Variants in MAGI1 observed in about 807,000 individuals in gnomAD.
MAGI1 encodes membrane-associated guanylate kinase, WW and PDZ domain-containing protein 1.
A neutral mutation model predicts 139.9 loss-of-function variants in MAGI1; 58 were observed. The ratio of observed to expected loss-of-function variants is 0.41; its 90% confidence interval spans 0.34 to 0.52. MAGI1 has a LOEUF of 0.52. Among genes scored for constraint, MAGI1 ranks in the 20% least tolerant of loss-of-function variants. MAGI1 has a pLI of 0.12. For missense variants in MAGI1, 1,874 were observed against 1,901.6 expected, an observed-to-expected ratio of 0.99 and a Z score of 0.27; for synonymous variants, 812 against 737.9, an observed-to-expected ratio of 1.10 and a Z score of -1.63.
intron 1 of MAGI1, among the ~76,000 whole-genome samples, chr3:65,639,325 G>A (rs1186852228): frequency 2.0e-5 from 3 of 152,120 alleles, no homozygotes; most frequent in African/African-American, 7.2e-5. Flanking sequence ...TTGAAATGAA[G>A]TCTAATTTAT....
chr3:65,455,796 A>T (rs926369085), intron 5 of MAGI1, among the ~76,000 whole-genome samples: 1 of 152,178 alleles, frequency 6.6e-6, no homozygotes, highest in Admixed American at 6.5e-5. Flanking sequence ...GAATCATTGT[A>T]TGTCTTACTT....
chr3:65,802,863 T>TGTGTGTGC, intron 1 of MAGI1, among the ~76,000 whole-genome samples: 1 of 151,324 alleles, frequency 6.6e-6, no homozygotes, highest in East Asian at 1.9e-4. Flanking sequence ...TGTGTGTGTG[T>TGTGTGTGC]GTGTGTGTGT....
intron 1 of MAGI1, among the ~76,000 whole-genome samples, chr3:65,834,672 G>GT (rs1021097611): frequency 9.2e-5 from 14 of 152,304 alleles, no homozygotes; most frequent in African/African-American, 3.4e-4. Context: ...TGAGAGAGGG[G>GT]TTTTGATGTC....
intron 13 of MAGI1, 67 bp downstream of exon 13, chr3:65,401,372 T>TACCCCCCCCCCCCCCCCC: frequency 1.3e-6 from 1 of 778,312 alleles, no homozygotes; most frequent in East Asian, 3.3e-5. Flanking sequence ...CAGAGTACCC[T>TACCCCCCCCCCCCCCCCC]CCCACCTCCA....
chr3:65,370,290 C>T (rs1043221498), intron 18 of MAGI1, among the ~76,000 whole-genome samples: 1 of 152,110 alleles, frequency 6.6e-6, no homozygotes, highest in Non-Finnish European at 1.5e-5. Context: ...TTGAGCATCA[C>T]ATATTCACCC....
intron 2 of MAGI1, among the ~76,000 whole-genome samples, chr3:65,510,230 T>C (rs1349086123): frequency 6.6e-6 from 1 of 152,160 alleles, no homozygotes; most frequent in Non-Finnish European, 1.5e-5. Context: ...AACTGGAAAC[T>C]GTAAAACGCA....
At chr3:65,872,033 G>C (rs866638093) in intron 1 of MAGI1, among the ~76,000 whole-genome samples, 1 of 152,170 alleles carries the variant, frequency 6.6e-6, no homozygotes. Context: ...CTACTAACCA[G>C]TTGTGTAACC....
intron 4 of MAGI1, among the ~76,000 whole-genome samples, chr3:65,471,125 T>A (rs535917888): frequency 1.3e-5 from 2 of 152,040 alleles, no homozygotes; most frequent in African/African-American, 4.8e-5. Context: ...AAACCAAGAG[T>A]TACCCCCAGA....
chr3:65,408,255 A>G (rs890335526), intron 12 of MAGI1, among the ~76,000 whole-genome samples: 1 of 152,196 alleles, frequency 6.6e-6, no homozygotes, highest in African/African-American at 2.4e-5. Context: ...AGAGGGGCCA[A>G]TGGGAAGGAT....
At chr3:65,418,760 G>C (rs887036789) in intron 12 of MAGI1, among the ~76,000 whole-genome samples, 3 of 152,168 alleles carry the variant, frequency 2.0e-5, no homozygotes, top group African/African-American at 7.2e-5. Context: ...CTGCACAGCA[G>C]ATCTTCTCGA....
At chr3:65,482,474 C>T (rs1270386528) in intron 3 of MAGI1, among the ~76,000 whole-genome samples, 1 of 152,144 alleles carries the variant, frequency 6.6e-6, no homozygotes, top group African/African-American at 2.4e-5. Flanking sequence ...AACCAAATAA[C>T]CAAGTCTTCT....
At chr3:65,600,002 T>C (rs1474290237) in intron 2 of MAGI1, among the ~76,000 whole-genome samples, 4 of 152,338 alleles carry the variant, frequency 2.6e-5, no homozygotes, top group South Asian at 2.1e-4. Context: ...TTATCAACCA[T>C]GTACATAATA....
chr3:65,896,945 A>C (rs983614468), intron 1 of MAGI1, among the ~76,000 whole-genome samples: 1 of 152,112 alleles, frequency 6.6e-6, no homozygotes, highest in African/African-American at 2.4e-5. Context: ...TCCGAGAAAA[A>C]TTGGTTCCCA....
intron 1 of MAGI1, among the ~76,000 whole-genome samples, chr3:65,894,626 T>C (rs2060897545): frequency 6.6e-6 from 1 of 152,196 alleles, no homozygotes; most frequent in African/African-American, 2.4e-5. Context: ...CCAAGAGTAT[T>C]CAGTAAGGAT....
At chr3:65,728,566 A>C (rs1454713072) in intron 1 of MAGI1, among the ~76,000 whole-genome samples, 1 of 152,234 alleles carries the variant, frequency 6.6e-6, no homozygotes, top group African/African-American at 2.4e-5. Flanking sequence ...CCCAGGGCCT[A>C]AAATTCCAAA....
At chr3:65,589,324 A>T (rs2081849758) in intron 2 of MAGI1, among the ~76,000 whole-genome samples, 1 of 152,168 alleles carries the variant, frequency 6.6e-6, no homozygotes, top group Non-Finnish European at 1.5e-5. Context: ...AGGCTTATAG[A>T]TCCCACACTC....
At chr3:65,492,312 C>T (rs1952096330) in intron 3 of MAGI1, among the ~76,000 whole-genome samples, 1 of 152,204 alleles carries the variant, frequency 6.6e-6, no homozygotes, top group Non-Finnish European at 1.5e-5. Context: ...CCACATTTGG[C>T]TTTGACCCAG....
intron 2 of MAGI1, among the ~76,000 whole-genome samples, chr3:65,574,392 T>A (rs936247038): frequency 1.5e-5 from 2 of 133,014 alleles, no homozygotes; most frequent in Non-Finnish European, 3.2e-5. Flanking sequence ...ACAAAATATA[T>A]AAAATACCCA....
chr3:66,035,580 T>A (rs549007702), intron 1 of MAGI1, among the ~76,000 whole-genome samples: 1 of 152,194 alleles, frequency 6.6e-6, no homozygotes, highest in Non-Finnish European at 1.5e-5. Context: ...TGTGCCTGTG[T>A]AATTATTACA....
Sources: allele counts gnomAD v4.1 joint callset (sites outside exome capture counted in the v4.1 genomes callset), GRCh38; gene constraint gnomAD v4.1.1; transcripts MANE v1.5; gene names NCBI Gene and HGNC (gene_info 2026-07-23, HGNC 2026-07-21).